The following EYA2 variants were observed in gnomAD, a reference collection of about 807,000 sequenced individuals.
The protein encoded by EYA2 is protein phosphatase EYA2.
EYA2 carries 31 observed loss-of-function variants against 69.2 expected under a neutral mutation model. The ratio of observed to expected loss-of-function variants is 0.45; its 90% CI spans 0.34 to 0.60. The LOEUF is 0.60. EYA2 is among the 20% of genes least tolerant of loss of function. EYA2 has a pLI of 0.02. For synonymous variants in EYA2, 257 were observed against 279.4 expected (o/e 0.92, Z 0.80); for missense variants, 622 against 701.2 (o/e 0.89, Z 1.28).
At chr20:47,182,081 T>C (rs903164597) in intron 14 of EYA2, among the ~76,000 whole-genome samples, 2 of 152,020 alleles carry the variant, frequency 1.3e-5, no homozygotes, top group Non-Finnish European at 2.9e-5. Flanking sequence ...AGTGGTGCAA[T>C]CTCGGCTCAC....
At chr20:47,068,355 A>T (rs1391308411) in intron 5 of EYA2, among the ~76,000 whole-genome samples, 2 of 152,266 alleles carry the variant, frequency 1.3e-5, no homozygotes, top group African/African-American at 4.8e-5. Context: ...TGAGCTGGGA[A>T]GCATGAGACA....
chr20:47,076,474 A>T (rs1460176037), intron 7 of EYA2, among the ~76,000 whole-genome samples: 1 of 152,024 alleles, frequency 6.6e-6, no homozygotes, highest in Admixed American at 6.5e-5. Flanking sequence ...TTATTTTTTC[A>T]TATGCTTGTT....
chr20:46,986,143 G>C (rs1262566363), intron 1 of EYA2, among the ~76,000 whole-genome samples: 1 of 151,818 alleles, frequency 6.6e-6, no homozygotes, highest in Non-Finnish European at 1.5e-5. Context: ...GTATTAGAGG[G>C]AGCAAGACAC....
At chr20:47,180,974 G>A in intron 14 of EYA2, 38 bp downstream of exon 14, 1 of 1,600,208 alleles carries the variant, frequency 6.2e-7, no homozygotes, top group Non-Finnish European at 8.5e-7. Flanking sequence ...ATACAGGGTT[G>A]GAGGGTGGGG....
intron 10 of EYA2, among the ~76,000 whole-genome samples, chr20:47,157,908 G>A (rs1033188114): frequency 1.3e-5 from 2 of 151,970 alleles, no homozygotes; most frequent in African/African-American, 2.4e-5. Flanking sequence ...AAGATGGAAT[G>A]CTCTCCCACA....
chr20:46,924,451 G>T (rs911260226), intron 1 of EYA2, among the ~76,000 whole-genome samples: 1 of 152,022 alleles, frequency 6.6e-6, no homozygotes, highest in African/African-American at 2.4e-5. Flanking sequence ...TGGGTGGATC[G>T]CGAGGTCAGG....
chr20:47,002,644 G>A (rs1365309738), intron 3 of EYA2, among the ~76,000 whole-genome samples: 1 of 152,118 alleles, frequency 6.6e-6, no homozygotes, highest in Non-Finnish European at 1.5e-5. Context: ...CTTGGCTGTT[G>A]TAAATTGTGC....
chr20:47,128,109 T>C (rs2033245964), intron 9 of EYA2, among the ~76,000 whole-genome samples: 1 of 152,152 alleles, frequency 6.6e-6, no homozygotes, highest in Non-Finnish European at 1.5e-5. Flanking sequence ...CAGAGAGAGA[T>C]GGTTCTGAGC....
At chr20:47,135,856 A>AG in intron 9 of EYA2, among the ~76,000 whole-genome samples, 1 of 134,982 alleles carries the variant, frequency 7.4e-6, no homozygotes, top group South Asian at 2.3e-4. Context: ...CAAACAAACA[A>AG]AAAACTAATT....
intron 1 of EYA2, among the ~76,000 whole-genome samples, chr20:46,980,006 G>C (rs1980725085): frequency 6.6e-6 from 1 of 152,178 alleles, no homozygotes; most frequent in Non-Finnish European, 1.5e-5. Context: ...TTGAACCCCT[G>C]GAGCAGATAA....
Position 47,183,343 on chromosome 20 carries a change from C to G in EYA2, c.1488C>G (p.Val496=), listed in dbSNP as rs199990649. 31 of 1,614,008 alleles carry G rather than the reference C, an allele frequency of 1.9e-5. No individual in the cohort carries two copies. The highest frequency in any genetic ancestry group is 3.3e-5 in the Admixed American group (2 of 59,996). The change falls in exon 15 of 16, where the codon GTC becomes GTG. Residue 496 remains valine, a synonymous_variant. Coordinates refer to ENST00000327619, the MANE Select transcript of EYA2 (RefSeq NM_005244.5). ...TGCAGAGATTCGGCAGAAAAGCTGTCTACGTGGTGATCGGTGATGGTGTGG... is the reference window on the plus strand; with the variant it reads ...TGCAGAGATTCGGCAGAAAAGCTGTGTACGTGGTGATCGGTGATGGTGTGG... The part of the protein sequence containing the change: ...RIMQRFGRKA[V]YVVIGDGVEE...
intron 1 of EYA2, among the ~76,000 whole-genome samples, chr20:46,902,868 A>G (rs1984180947): frequency 6.6e-6 from 1 of 152,218 alleles, no homozygotes; most frequent in Admixed American, 6.5e-5. Context: ...TACAAAGACC[A>G]TACGGCCTGC....
intron 1 of EYA2, among the ~76,000 whole-genome samples, chr20:46,984,596 G>A (rs1981063685): frequency 6.6e-6 from 1 of 152,090 alleles, no homozygotes; most frequent in African/African-American, 2.4e-5. Flanking sequence ...AGTGTTAGCA[G>A]GAAATTGTGA....
chr20:47,011,637 G>A (rs1983064567), intron 4 of EYA2, among the ~76,000 whole-genome samples: 1 of 49,426 alleles, frequency 2.0e-5, no homozygotes, highest in African/African-American at 4.3e-5. Context: ...ATTCCTTCGG[G>A]TGTCCACAAG....
chr20:47,107,525 C>CA (rs111607473), intron 9 of EYA2, among the ~76,000 whole-genome samples: 57,849 of 125,036 alleles, frequency 0.46, 13,956 homozygotes, highest in Non-Finnish European at 0.52. Flanking sequence ...GACTCTGTAT[C>CA]AAAAAAAAAA....
At chr20:46,954,017 A>G (rs1978968280) in intron 1 of EYA2, among the ~76,000 whole-genome samples, 1 of 151,914 alleles carries the variant, frequency 6.6e-6, no homozygotes, top group African/African-American at 2.4e-5. Context: ...TCATGTTCCA[A>G]CCACACGATT....
intron 1 of EYA2, among the ~76,000 whole-genome samples, chr20:46,910,956 G>C (rs1984615516): frequency 6.6e-6 from 1 of 152,184 alleles, no homozygotes; most frequent in Non-Finnish European, 1.5e-5. Context: ...AGGTGGATAA[G>C]TTAGTTCACC....
intron 10 of EYA2, among the ~76,000 whole-genome samples, chr20:47,166,579 T>G (rs2034201356): frequency 6.6e-6 from 1 of 152,006 alleles, no homozygotes; most frequent in Non-Finnish European, 1.5e-5. Flanking sequence ...CACGTGCTTC[T>G]CCTCCTCCAG....
intron 1 of EYA2, among the ~76,000 whole-genome samples, chr20:46,908,870 C>CTTTTTTTTTTTTGTTTTTTTT (rs1984499852): frequency 2.1e-5 from 1 of 47,558 alleles, no homozygotes; most frequent in African/African-American, 8.7e-5. Flanking sequence ...CTCTCCCGCA[C>CTTTTTTTTTTTTGTTTTTTTT]TTTTTTTTTT....
Sources: allele counts gnomAD v4.1 joint callset (sites outside exome capture counted in the v4.1 genomes callset), GRCh38; gene constraint gnomAD v4.1.1; transcripts MANE v1.5; gene names NCBI Gene and HGNC (gene_info 2026-07-23, HGNC 2026-07-21).